PPM1E: variants seen among roughly 807,000 people sequenced by gnomAD.
PPM1E encodes protein phosphatase, Mg2+/Mn2+ dependent 1E.
Under a neutral mutation model 65.9 loss-of-function variants are expected in PPM1E, and 20 were observed. That is an observed-to-expected ratio of 0.30 (90% CI 0.21 to 0.44). PPM1E has a LOEUF of 0.44. Ranked by LOEUF, PPM1E falls within the 20% of genes least tolerant of loss-of-function variation. The pLI, the probability that PPM1E is intolerant of heterozygous loss-of-function variation, is 1.00. For synonymous variants in PPM1E, 352 were observed against 374.9 expected (o/e 0.94, Z 0.70); for missense variants, 713 against 953.1 (o/e 0.75, Z 3.32).
intron 1 of PPM1E, among the ~76,000 whole-genome samples, chr17:58,826,779 CCT>C (rs1216266932): frequency 2.0e-5 from 3 of 151,964 alleles, no homozygotes; most frequent in Non-Finnish European, 4.4e-5. Flanking sequence ...GTGCATGCCA[CCT>C]CACCTGGCTA....
At position 58,963,550 on chromosome 17, in the gene PPM1E, G is replaced by GA. The variant is rs552621154; in HGVS notation, c.584-2135dup. 7.6e-4 allele frequency among the ~76,000 whole-genome samples: 112 copies of GA among 146,684 alleles called. 1 individual carries two copies. The South Asian group carries it at 0.018, about 24-fold the overall frequency. On this transcript the variant is annotated intron_variant, in intron 2 of 6. Coordinates refer to ENST00000308249, the MANE Select transcript of PPM1E (RefSeq NM_014906.5). ...AATGCCATCTCTACTAAAAATGTGA[G>GA]AAAAAAAAATTAGCTGGGCGTGGTG...
chr17:58,831,177 A>T (rs2050602615), intron 1 of PPM1E, among the ~76,000 whole-genome samples: 1 of 151,574 alleles, frequency 6.6e-6, no homozygotes, highest in Non-Finnish European at 1.5e-5. Context: ...CACCCAGCTA[A>T]TTTTTTGTAT....
Position 58,755,886 on chromosome 17 carries a change from C to G in PPM1E, c.-112C>G. Reference sequence around the variant, plus strand: ...GGCAACCTAGTGCTGATCGCTCGTGCCGGTGCGGCCGTTAACCGCCCTTGC... The same window carrying G: ...GGCAACCTAGTGCTGATCGCTCGTGGCGGTGCGGCCGTTAACCGCCCTTGC... On this transcript the variant is annotated 5_prime_UTR_variant, in exon 1 of 7. Transcript: ENST00000308249. 1.3e-6 allele frequency: 2 copies of G among 1,518,386 alleles called. No individual in the cohort carries two copies. Among genetic ancestry groups the G allele is most frequent in the East Asian group, 4.6e-5 (2 of 43,200 alleles). The allele number at this position is 1,518,386 out of a possible 1,614,324, so 94.1% of individuals were successfully genotyped here.
intron 1 of PPM1E, among the ~76,000 whole-genome samples, chr17:58,759,223 A>T (rs1331860339): frequency 6.6e-6 from 1 of 152,070 alleles, no homozygotes; most frequent in East Asian, 1.9e-4. Flanking sequence ...GAGCCACTGT[A>T]CTCCAGCCTG....
chr17:58,802,067 G>A (rs1262719007), intron 1 of PPM1E, among the ~76,000 whole-genome samples: 2 of 152,122 alleles, frequency 1.3e-5, no homozygotes, highest in African/African-American at 4.8e-5. Flanking sequence ...CTCCCCTTCA[G>A]TTTTATTGAG....
At chr17:58,817,049 C>G (rs906420411) in intron 1 of PPM1E, among the ~76,000 whole-genome samples, 1 of 151,818 alleles carries the variant, frequency 6.6e-6, no homozygotes, top group Admixed American at 6.6e-5. Flanking sequence ...TTGCCTTGGC[C>G]TCCCAAAGTG....
intron 1 of PPM1E, among the ~76,000 whole-genome samples, chr17:58,799,631 A>G (rs1031895628): frequency 6.6e-6 from 1 of 152,062 alleles, no homozygotes; most frequent in Non-Finnish European, 1.5e-5. Context: ...TTTTGTAGAG[A>G]TGGGGTTTCA....
intron 1 of PPM1E, among the ~76,000 whole-genome samples, chr17:58,790,907 T>G (rs1183539628): frequency 6.6e-6 from 1 of 151,764 alleles, no homozygotes; most frequent in African/African-American, 2.4e-5. Context: ...TTTTTTTTTT[T>G]GAGATGGAGT....
intron 1 of PPM1E, among the ~76,000 whole-genome samples, chr17:58,949,490 C>A (rs914435221): frequency 4.6e-5 from 7 of 152,060 alleles, no homozygotes; most frequent in East Asian, 3.8e-4. Context: ...CAGCCAGTTT[C>A]TTTTAATTGG....
rs543943338 is a variant in PPM1E, at chr17:58,775,546, A to T, written c.464+19085A>T. 6.6e-3 allele frequency among the ~76,000 whole-genome samples: 1,012 copies of T among 152,304 alleles called. 10 individuals carry two copies. Among genetic ancestry groups the T allele is most frequent in the African/African-American group, 0.023 (946 of 41,576 alleles). On this transcript the variant is annotated intron_variant, in intron 1 of 6. Coordinates refer to ENST00000308249, the MANE Select transcript of PPM1E (RefSeq NM_014906.5). ...TTAAACAAATTCAGCCTATATCTAA[A>T]CAATATCTTTTAAAAATTATTTTTA...
At chr17:58,836,404 A>G (rs1157633495) in intron 1 of PPM1E, among the ~76,000 whole-genome samples, 2 of 151,460 alleles carry the variant, frequency 1.3e-5, no homozygotes, top group Admixed American at 6.6e-5. Flanking sequence ...TGAGGATTTA[A>G]TGAGCCCAGG....
At chr17:58,828,527 C>T (rs189362435) in intron 1 of PPM1E, among the ~76,000 whole-genome samples, 37 of 152,046 alleles carry the variant, frequency 2.4e-4, no homozygotes, top group African/African-American at 7.7e-4. Flanking sequence ...TGCAATGCCG[C>T]GATCTCGCCT....
chr17:58,966,163 G>A (rs562978730), intron 3 of PPM1E: 1 of 468,242 alleles, frequency 2.1e-6, no homozygotes, highest in Admixed American at 3.5e-5. Context: ...CTTCCATGGA[G>A]GCAAGGTAGT....
chr17:58,886,003 T>C (rs1469624677), intron 1 of PPM1E, among the ~76,000 whole-genome samples: 1 of 152,206 alleles, frequency 6.6e-6, no homozygotes, highest in African/African-American at 2.4e-5. Context: ...TGGGGGTGAA[T>C]TGGCTTTCTT....
chr17:58,887,469 G>A (rs1184853682), intron 1 of PPM1E, among the ~76,000 whole-genome samples: 30 of 152,036 alleles, frequency 2.0e-4, no homozygotes, highest in Admixed American at 1.8e-3. Context: ...ACCTGGCCCC[G>A]ATTTTTATTC....
chr17:58,845,299 GT>G (rs570990703), intron 1 of PPM1E, among the ~76,000 whole-genome samples: 1,528 of 131,828 alleles, frequency 0.012, 18 homozygotes, highest in African/African-American at 0.036. Flanking sequence ...GTCATGGTTG[GT>G]TTTTTTTTTT....
chr17:58,867,239 A>G (rs2051016003), intron 1 of PPM1E, among the ~76,000 whole-genome samples: 1 of 152,210 alleles, frequency 6.6e-6, no homozygotes. Flanking sequence ...TGGCCTCCCA[A>G]AGTGCTGGGA....
At chr17:58,829,224 T>G (rs566878867) in intron 1 of PPM1E, among the ~76,000 whole-genome samples, 2 of 152,146 alleles carry the variant, frequency 1.3e-5, no homozygotes, top group South Asian at 4.2e-4. Context: ...GTATATTCAG[T>G]AGAGACGGGG....
chr17:58,780,014 A>AT (rs1211859839), intron 1 of PPM1E, among the ~76,000 whole-genome samples: 6 of 152,176 alleles, frequency 3.9e-5, no homozygotes, highest in African/African-American at 1.4e-4. Flanking sequence ...GATGCTTCCA[A>AT]TTTTTTGTGT....
Sources: allele counts gnomAD v4.1 joint callset (sites outside exome capture counted in the v4.1 genomes callset), GRCh38; gene constraint gnomAD v4.1.1; transcripts MANE v1.5; gene names NCBI Gene and HGNC (gene_info 2026-07-23, HGNC 2026-07-21).